Variants in LAMA2 observed in about 807,000 individuals in gnomAD.
LAMA2 encodes the protein laminin subunit alpha 2.
LAMA2 carries 269 observed loss-of-function variants against 364.8 expected under a neutral mutation model. The ratio of observed to expected loss-of-function variants is 0.74; its 90% CI spans 0.67 to 0.82. LAMA2 has a LOEUF of 0.82. Ranked by LOEUF, LAMA2 falls within the 40% of genes least tolerant of loss-of-function variation. LAMA2 has a pLI of 0.00. For synonymous variants in LAMA2, 1,379 were observed against 1,370.6 expected, an observed-to-expected ratio of 1.01 and a Z score of -0.14; for missense variants, 3,807 against 3,873.2, an observed-to-expected ratio of 0.98 and a Z score of 0.45.
At chr6:129,268,175 A>G (rs1787643545) in intron 16 of LAMA2, among the ~76,000 whole-genome samples, 2 of 152,068 alleles carry the variant, frequency 1.3e-5, no homozygotes, top group Non-Finnish European at 1.5e-5. Flanking sequence ...AGGTTTGTTG[A>G]TGCTCTTTCC....
At chr6:128,906,554 G>A (rs1455196662) in intron 1 of LAMA2, among the ~76,000 whole-genome samples, 1 of 148,608 alleles carries the variant, frequency 6.7e-6, no homozygotes, top group African/African-American at 2.5e-5. Context: ...CAGATGAGTA[G>A]GTTGCGAAAA....
At chr6:129,072,926 C>A (rs561368512) in intron 3 of LAMA2, among the ~76,000 whole-genome samples, 1 of 152,004 alleles carries the variant, frequency 6.6e-6, no homozygotes, top group African/African-American at 2.4e-5. Context: ...ATTTTAAACA[C>A]CTTTAACTTT....
intron 56 of LAMA2, among the ~76,000 whole-genome samples, chr6:129,488,883 A>G (rs1232012824): frequency 1.3e-5 from 2 of 152,238 alleles, no homozygotes; most frequent in African/African-American, 4.8e-5. Context: ...TGTGTCACAT[A>G]CTAGACAAAG....
intron 6 of LAMA2, among the ~76,000 whole-genome samples, chr6:129,147,964 C>T (rs1027557703): frequency 6.6e-5 from 10 of 151,596 alleles, no homozygotes; most frequent in Non-Finnish European, 1.0e-4. Context: ...CCTGGATACT[C>T]GTGCACAACA....
At chr6:129,219,630 TG>T (rs1055614273) in intron 12 of LAMA2, among the ~76,000 whole-genome samples, 6 of 146,672 alleles carry the variant, frequency 4.1e-5, no homozygotes, top group African/African-American at 1.5e-4. Flanking sequence ...ATATACACCA[TG>T]GAATACTATG....
rs531424175 is a variant in LAMA2, at chr6:129,445,720, A to T, written c.6328A>T (p.Ile2110Leu). The T allele has an allele frequency of 6.2e-7, 1 of 1,613,932 alleles. No individual in the cohort carries two copies. The highest frequency in any genetic ancestry group is 1.1e-5 in the South Asian group (1 of 91,080). The change falls in exon 45 of 65, where the codon ATA becomes TTA. Residue 2110 changes from isoleucine to leucine, a missense_variant. By Grantham distance (5) the Ile-to-Leu change is conservative. Coordinates refer to ENST00000421865, the MANE Select transcript of LAMA2 (RefSeq NM_000426.4). ...TTTAGAACAGGAAGCTGACCGGCTAATAGATAAACTCAAACCCATCAAGGA... is the reference window on the plus strand; with the variant it reads ...TTTAGAACAGGAAGCTGACCGGCTATTAGATAAACTCAAACCCATCAAGGA... ...KNLEQEADRL[I>L]DKLKPIKELE...
At chr6:129,371,850 G>A (rs376711222) in intron 34 of LAMA2, among the ~76,000 whole-genome samples, 99 of 151,782 alleles carry the variant, frequency 6.5e-4, no homozygotes, top group East Asian at 2.1e-3. Context: ...CTTGTGATTC[G>A]CCTGCCTTGG....
At chr6:129,077,387 C>A (rs1773731434) in intron 3 of LAMA2, among the ~76,000 whole-genome samples, 1 of 152,058 alleles carries the variant, frequency 6.6e-6, no homozygotes, top group African/African-American at 2.4e-5. Flanking sequence ...AAACTAGTGA[C>A]AAAATAGATT....
intron 4 of LAMA2, among the ~76,000 whole-genome samples, chr6:129,101,454 T>G (rs1263929743): frequency 6.6e-6 from 1 of 152,212 alleles, no homozygotes; most frequent in Non-Finnish European, 1.5e-5. Context: ...ATGTAGAGAA[T>G]GCAGCTATCC....
chr6:129,242,399 T>C (rs192074411), intron 12 of LAMA2, among the ~76,000 whole-genome samples: 1 of 152,304 alleles, frequency 6.6e-6, no homozygotes, highest in African/African-American at 2.4e-5. Flanking sequence ...ATAGCAAGCC[T>C]GTTTCTCTTT....
intron 1 of LAMA2, among the ~76,000 whole-genome samples, chr6:128,937,092 A>G (rs563453483): frequency 1.3e-5 from 2 of 152,322 alleles, no homozygotes; most frequent in African/African-American, 4.8e-5. Context: ...TAATATTTTC[A>G]GACCATGATT....
In LAMA2 at chr6:129,456,501, T is replaced by A; in HGVS notation, c.6867+7T>A. ...CCTGACTGGGAAATTAAAGGTAATG[T>A]GTTCATCCTCCTCCTGTTTATTTCA... On this transcript the variant is annotated splice_region_variant and intron_variant, in intron 48 of 64. Transcript: ENST00000421865. 2 of 1,610,772 alleles carry A rather than the reference T, an allele frequency of 1.2e-6. No homozygotes were observed. Among genetic ancestry groups the A allele is most frequent in the Non-Finnish European group, 1.7e-6 (2 of 1,177,084 alleles).
chr6:129,007,441 G>T (rs1784510442), intron 1 of LAMA2, among the ~76,000 whole-genome samples: 1 of 152,026 alleles, frequency 6.6e-6, no homozygotes, highest in Admixed American at 6.6e-5. Flanking sequence ...GTGAATTGAG[G>T]ATTCTAGATG....
At chr6:129,445,344 A>G (rs1205890464) in intron 44 of LAMA2, among the ~76,000 whole-genome samples, 3 of 152,212 alleles carry the variant, frequency 2.0e-5, no homozygotes, top group Non-Finnish European at 4.4e-5. Flanking sequence ...CTAAAGTTCT[A>G]TTCTGTAAAG....
intron 10 of LAMA2, among the ~76,000 whole-genome samples, chr6:129,183,910 G>A (rs1781077821): frequency 6.6e-6 from 1 of 151,822 alleles, no homozygotes; most frequent in Non-Finnish European, 1.5e-5. Flanking sequence ...AAGAAAGAAG[G>A]AAGGAAGAGA....
intron 28 of LAMA2, among the ~76,000 whole-genome samples, chr6:129,324,301 A>G (rs1460480390): frequency 1.3e-5 from 2 of 152,186 alleles, no homozygotes; most frequent in Non-Finnish European, 2.9e-5. Context: ...CCTCAGATCC[A>G]CCCTATGAAA....
At chr6:129,244,270 T>C (rs1383937362) in intron 12 of LAMA2, among the ~76,000 whole-genome samples, 1 of 152,112 alleles carries the variant, frequency 6.6e-6, no homozygotes, top group African/African-American at 2.4e-5. Flanking sequence ...AATTTATACA[T>C]ACACTGAAGG....
intron 12 of LAMA2, among the ~76,000 whole-genome samples, chr6:129,223,934 G>A (rs911520868): frequency 6.6e-6 from 1 of 152,166 alleles, no homozygotes; most frequent in Non-Finnish European, 1.5e-5. Flanking sequence ...ATTACCTTGG[G>A]CAGTATGGCC....
chr6:129,226,096 C>T (rs1339592935), intron 12 of LAMA2, among the ~76,000 whole-genome samples: 1 of 152,174 alleles, frequency 6.6e-6, no homozygotes, highest in East Asian at 1.9e-4. Flanking sequence ...TAATGGCCTT[C>T]TTTGTCTCTT....
Sources: gnomAD v4.1 joint callset for allele counts (sites outside exome capture counted in the v4.1 genomes callset) on GRCh38, gnomAD v4.1.1 for gene constraint, MANE v1.5 for transcripts, NCBI Gene and HGNC (gene_info 2026-07-23, HGNC 2026-07-21) for gene names.